DENND5B: variants seen among roughly 807,000 people sequenced by gnomAD.
DENND5B encodes the protein DENN domain containing 5B, also known as DENN domain-containing protein 5B.
DENND5B carries 34 observed loss-of-function variants against 140.6 expected under a neutral mutation model. The observed-to-expected ratio is 0.24, with a 90% confidence interval of 0.18 to 0.32. The LOEUF is 0.32. Ranked by LOEUF, DENND5B falls within the 10% of genes least tolerant of loss-of-function variation. DENND5B has a pLI of 1.00. For missense variants in DENND5B, 1,142 were observed against 1,560.2 expected, an observed-to-expected ratio of 0.73 and a Z score of 4.52; for synonymous variants, 551 against 562.1, an observed-to-expected ratio of 0.98 and a Z score of 0.28.
intron 1 of DENND5B, among the ~76,000 whole-genome samples, chr12:31,538,307 T>A (rs146073128): frequency 2.0e-5 from 3 of 152,004 alleles, no homozygotes; most frequent in Non-Finnish European, 2.9e-5. Context: ...TGAAATAATA[T>A]AAAGCATCTT....
At chr12:31,508,548 T>C (rs1235500448) in intron 1 of DENND5B, among the ~76,000 whole-genome samples, 3 of 152,206 alleles carry the variant, frequency 2.0e-5, no homozygotes, top group African/African-American at 7.2e-5. Context: ...CTAAATATGT[T>C]AGAAACGAGA....
At chr12:31,502,039 G>T (rs756570850) in intron 1 of DENND5B, among the ~76,000 whole-genome samples, 1 of 151,960 alleles carries the variant, frequency 6.6e-6, no homozygotes, top group South Asian at 2.1e-4. Flanking sequence ...CAATCTTGCC[G>T]GGCGCAGTGG....
At chr12:31,553,292 C>T (rs1949142064) in intron 1 of DENND5B, among the ~76,000 whole-genome samples, 2 of 152,184 alleles carry the variant, frequency 1.3e-5, no homozygotes, top group African/African-American at 4.8e-5. Context: ...CAAGGAACAT[C>T]TTTATTTCTG....
At chr12:31,420,205 T>C (rs1003934267) in intron 11 of DENND5B, among the ~76,000 whole-genome samples, 4 of 152,030 alleles carry the variant, frequency 2.6e-5, no homozygotes, top group African/African-American at 9.7e-5. Flanking sequence ...CAGCACTCAC[T>C]GTAGCCTCAA....
chr12:31,409,147 C>T, intron 14 of DENND5B, 116 bp downstream of exon 14: 1 of 1,132,966 alleles, frequency 8.8e-7, no homozygotes, highest in Non-Finnish European at 1.2e-6. Context: ...AAACAGAGAC[C>T]TGGGCGTATG....
chr12:31,564,597 T>TTAC (rs1949571140), intron 1 of DENND5B, among the ~76,000 whole-genome samples: 1 of 146,854 alleles, frequency 6.8e-6, no homozygotes, highest in African/African-American at 2.6e-5. Context: ...ATTATTATTA[T>TTAC]TATTATTTTG....
intron 1 of DENND5B, among the ~76,000 whole-genome samples, chr12:31,574,267 A>AAAAAATAATAATAAT (rs141072772): frequency 1.0e-4 from 9 of 89,720 alleles, no homozygotes; most frequent in South Asian, 4.1e-4. Context: ...TGTCTCTAAA[A>AAAAAATAATAATAAT]AATAATAATA....
chr12:31,550,319 GT>G (rs1165689046), intron 1 of DENND5B, among the ~76,000 whole-genome samples: 2 of 148,600 alleles, frequency 1.3e-5, no homozygotes, highest in African/African-American at 5.0e-5. Flanking sequence ...GTGGTGTTTG[GT>G]TTTTGGTCCT....
chr12:31,471,461 ATTTTTTT>A (rs747862984), intron 3 of DENND5B, among the ~76,000 whole-genome samples: 3 of 111,934 alleles, frequency 2.7e-5, no homozygotes, highest in Non-Finnish European at 5.2e-5. Context: ...CCATGCCTGT[ATTTTTTT>A]TTTTTTTTTT....
chr12:31,498,638 G>A (rs1277769769), intron 1 of DENND5B, among the ~76,000 whole-genome samples: 1 of 152,024 alleles, frequency 6.6e-6, no homozygotes, highest in Non-Finnish European at 1.5e-5. Flanking sequence ...GGATATTAGG[G>A]GAAGAACTAA....
intron 3 of DENND5B, among the ~76,000 whole-genome samples, chr12:31,476,014 G>A (rs1401752850): frequency 6.6e-6 from 1 of 151,636 alleles, no homozygotes; most frequent in Admixed American, 6.6e-5. Flanking sequence ...TAGTCCCAGG[G>A]ACTTGGGAGG....
At chr12:31,414,900 C>T (rs1942645319) in intron 12 of DENND5B, among the ~76,000 whole-genome samples, 1 of 140,096 alleles carries the variant, frequency 7.1e-6, no homozygotes, top group South Asian at 2.5e-4. Context: ...CCAGCCTGGG[C>T]AACAGAATGA....
intron 3 of DENND5B, among the ~76,000 whole-genome samples, chr12:31,460,871 G>A (rs1018882786): frequency 2.0e-5 from 3 of 151,772 alleles, no homozygotes; most frequent in African/African-American, 4.8e-5. Context: ...GATTACAGGC[G>A]CCCACCACCA....
chr12:31,484,167 TTA>T (rs1289107934), intron 2 of DENND5B, among the ~76,000 whole-genome samples: 2 of 152,150 alleles, frequency 1.3e-5, no homozygotes, highest in African/African-American at 4.8e-5. Flanking sequence ...AGCAATTTTC[TTA>T]TTCAAGTTCA....
chr12:31,399,771 C>T lies in DENND5B; in HGVS notation c.2951G>A (p.Cys984Tyr). 1.2e-6 allele frequency: 2 copies of T among 1,612,950 alleles called. No individual in the cohort carries two copies. Among genetic ancestry groups the T allele is most frequent in the Non-Finnish European group, 1.7e-6 (2 of 1,179,232 alleles). The part of the protein sequence containing the change: ...PKNLLEMTFE[C>Y]QNLGKLTTVQ... The stretch of plus-strand genomic sequence containing the variant: ...AGTGGTCAGCTTCCCCAAGTTCTGG[C>T]ACTGTAGGGACAGGACCTTAGGTTA... The change falls in exon 16 of 21, where the codon TGC becomes TAC. Residue 984 changes from cysteine (C) to tyrosine (Y), a missense_variant and splice_region_variant. By Grantham distance (194) the Cys-to-Tyr change is radical. This residue lies in a region of DENND5B where 268 missense variants were observed against 349.2 expected (regional missense o/e 0.77). Coordinates refer to ENST00000389082, the MANE Select transcript of DENND5B (RefSeq NM_144973.4).
intron 1 of DENND5B, among the ~76,000 whole-genome samples, chr12:31,580,544 G>A (rs564729497): frequency 7.2e-5 from 11 of 151,856 alleles, no homozygotes; most frequent in African/African-American, 2.7e-4. Flanking sequence ...AACCAGGCTG[G>A]AGTGCAGCAG....
At chr12:31,546,543 C>T (rs944120275) in intron 1 of DENND5B, among the ~76,000 whole-genome samples, 4 of 152,098 alleles carry the variant, frequency 2.6e-5, no homozygotes, top group Admixed American at 1.3e-4. Flanking sequence ...AAAAATTAGC[C>T]AGGCATGGTG....
chr12:31,443,500 C>T (rs1565583397), intron 6 of DENND5B, among the ~76,000 whole-genome samples: 1 of 151,930 alleles, frequency 6.6e-6, no homozygotes, highest in East Asian at 1.9e-4. Flanking sequence ...ATCAGGGCCG[C>T]GGGGATGAAA....
chr12:31,509,824 G>A (rs1207570141), intron 1 of DENND5B, among the ~76,000 whole-genome samples: 2 of 152,122 alleles, frequency 1.3e-5, no homozygotes, highest in Non-Finnish European at 2.9e-5. Context: ...TGATCAAGTT[G>A]GCCCTCATTG....
Sources: gnomAD v4.1 joint callset for allele counts (sites outside exome capture counted in the v4.1 genomes callset) on GRCh38, gnomAD v4.1.1 for gene constraint, gnomAD v4.1.1 regional missense constraint, MANE v1.5 for transcripts, NCBI Gene and HGNC (gene_info 2026-07-23, HGNC 2026-07-21) for gene names.